The following SLC25A21 variants were observed in gnomAD, a reference collection of about 807,000 sequenced individuals.
SLC25A21 encodes solute carrier family 25 member 21.
SLC25A21 carries 47 observed loss-of-function variants against 43.8 expected under a neutral mutation model. The ratio of observed to expected loss-of-function variants is 1.07; its 90% CI spans 0.85 to 1.37. The LOEUF is 1.37. Among genes scored for constraint, SLC25A21 ranks in the 40% most tolerant of loss-of-function variants. The probability of loss-of-function intolerance (pLI) is 0.00; values close to 1 mark genes in which losing one functional copy is unlikely to be tolerated. For synonymous variants in SLC25A21, 131 were observed against 121.3 expected (o/e 1.08, Z -0.52); for missense variants, 352 against 350.2 (o/e 1.00, Z -0.04).
intron 1 of SLC25A21, among the ~76,000 whole-genome samples, chr14:36,905,474 T>C (rs370592978): frequency 3.7e-4 from 56 of 152,350 alleles, no homozygotes; most frequent in African/African-American, 1.3e-3. Context: ...TGCCCACTCA[T>C]GCGTCCCAAA....
At chr14:37,094,556 A>C (rs761905808) in intron 1 of SLC25A21, among the ~76,000 whole-genome samples, 47 of 152,188 alleles carry the variant, frequency 3.1e-4, no homozygotes, top group Non-Finnish European at 5.3e-4. Context: ...CCTCTAGGAC[A>C]AATTGTGCAG....
chr14:36,736,105 T>C (rs1167715005), intron 3 of SLC25A21, among the ~76,000 whole-genome samples: 1 of 151,654 alleles, frequency 6.6e-6, no homozygotes. Flanking sequence ...CCGGCTAATT[T>C]TTTATATTTT....
At chr14:36,690,859 G>A (rs1882767598) in intron 7 of SLC25A21, among the ~76,000 whole-genome samples, 1 of 152,170 alleles carries the variant, frequency 6.6e-6, no homozygotes, top group Non-Finnish European at 1.5e-5. Flanking sequence ...ATTATAGTGA[G>A]TCACCATATT....
At chr14:36,920,239 T>C (rs1291694159) in intron 1 of SLC25A21, among the ~76,000 whole-genome samples, 1 of 152,076 alleles carries the variant, frequency 6.6e-6, no homozygotes, top group East Asian at 1.9e-4. Flanking sequence ...TCAGGTAAAA[T>C]AATTCTTGGC....
intron 6 of SLC25A21, among the ~76,000 whole-genome samples, chr14:36,715,789 T>A (rs1884102272): frequency 6.6e-6 from 1 of 152,126 alleles, no homozygotes; most frequent in South Asian, 2.1e-4. Context: ...TATTAAGAGG[T>A]TTAATTAAAA....
At chr14:37,066,403 T>G (rs902798235) in intron 1 of SLC25A21, among the ~76,000 whole-genome samples, 3 of 152,088 alleles carry the variant, frequency 2.0e-5, no homozygotes, top group Non-Finnish European at 4.4e-5. Context: ...ACACTGCACA[T>G]GGCACTGGAG....
intron 1 of SLC25A21, among the ~76,000 whole-genome samples, chr14:37,048,842 C>G (rs1163333551): frequency 6.6e-6 from 1 of 152,174 alleles, no homozygotes; most frequent in Non-Finnish European, 1.5e-5. Flanking sequence ...GCCACTGAGA[C>G]CAATAACTAG....
chr14:37,030,396 T>C (rs1197375409), intron 1 of SLC25A21, among the ~76,000 whole-genome samples: 1 of 152,106 alleles, frequency 6.6e-6, no homozygotes, highest in Non-Finnish European at 1.5e-5. Flanking sequence ...GAGTCCCTGA[T>C]CTCTCTCTAG....
At chr14:36,956,391 G>A (rs1285707091) in intron 1 of SLC25A21, among the ~76,000 whole-genome samples, 3 of 151,962 alleles carry the variant, frequency 2.0e-5, no homozygotes, top group Admixed American at 6.6e-5. Context: ...CGTAGAAATG[G>A]TGTAAAGTAT....
chr14:37,119,619 G>A lies in SLC25A21; in HGVS notation c.70+52662C>T, dbSNP rs530178513. 3.1e-4 allele frequency among the ~76,000 whole-genome samples: 47 copies of A among 152,158 alleles called. No individual in the cohort carries two copies. The East Asian group carries it at 7.0e-3, about 23-fold the overall frequency. ...AAGCATAATCAGTTGAGCAGCCCAC[G>A]CCGCTGCTCTGCCTATGGAGTAGCC... On this transcript the variant is annotated intron_variant, in intron 1 of 9. Coordinates refer to ENST00000331299, the MANE Select transcript of SLC25A21 (RefSeq NM_030631.4).
chr14:36,766,856 G>A (rs1157067376), intron 3 of SLC25A21, among the ~76,000 whole-genome samples: 1 of 152,090 alleles, frequency 6.6e-6, no homozygotes, highest in East Asian at 1.9e-4. Flanking sequence ...CGTTAGGATT[G>A]GCATGAGGAT....
intron 1 of SLC25A21, among the ~76,000 whole-genome samples, chr14:37,033,768 C>T (rs1000239081): frequency 6.6e-5 from 10 of 151,910 alleles, no homozygotes; most frequent in Non-Finnish European, 1.3e-4. Context: ...GAAGAGGGTA[C>T]GTGGATGGTT....
At chr14:36,696,452 T>G (rs1359823157) in intron 7 of SLC25A21, among the ~76,000 whole-genome samples, 1 of 152,210 alleles carries the variant, frequency 6.6e-6, no homozygotes, top group African/African-American at 2.4e-5. Context: ...TCCCTCTTTT[T>G]CTATTGATTG....
intron 6 of SLC25A21, among the ~76,000 whole-genome samples, chr14:36,723,111 G>A (rs760479096): frequency 1.3e-5 from 2 of 152,174 alleles, no homozygotes; most frequent in Admixed American, 6.5e-5. Flanking sequence ...AATGAAGAAG[G>A]CTTCGGCATT....
intron 1 of SLC25A21, among the ~76,000 whole-genome samples, chr14:37,032,791 C>T (rs1961247033): frequency 6.6e-6 from 1 of 151,058 alleles, no homozygotes; most frequent in Admixed American, 6.6e-5. Context: ...GTTTACTATA[C>T]TATTCAGGAA....
chr14:36,682,017 A>G (rs1659524947), intron 9 of SLC25A21, among the ~76,000 whole-genome samples: 1 of 152,306 alleles, frequency 6.6e-6, no homozygotes, highest in East Asian at 1.9e-4. Context: ...GGTTTAAATC[A>G]CAGACTTCAA....
intron 1 of SLC25A21, among the ~76,000 whole-genome samples, chr14:37,117,271 G>C (rs1963123090): frequency 6.6e-6 from 1 of 152,070 alleles, no homozygotes; most frequent in African/African-American, 2.4e-5. Flanking sequence ...ATCAGCACTA[G>C]AAAAAGTCAT....
rs147986116 is a variant in SLC25A21 at position 37,133,892 on chromosome 14, T to G, written c.70+38389A>C. Among the ~76,000 whole-genome samples, 4 of 152,280 alleles carry G rather than the reference T, an allele frequency of 2.6e-5. No individual in the cohort carries two copies. In the East Asian group the frequency reaches 7.7e-4, roughly 29 times the overall value. ...CTTCCTCAGTAAAATCATTCCTGGC[T>G]CCCTTTTCTAGGTCTCACAGTACTG... is the stretch of plus-strand genomic sequence containing the variant. On this transcript the variant is annotated intron_variant, in intron 1 of 9. Coordinates refer to ENST00000331299, the MANE Select transcript of SLC25A21 (RefSeq NM_030631.4).
At chr14:36,710,415 GA>G (rs940580516) in intron 7 of SLC25A21, among the ~76,000 whole-genome samples, 1 of 150,664 alleles carries the variant, frequency 6.6e-6, no homozygotes, top group South Asian at 2.1e-4. Flanking sequence ...AGGAAACGGG[GA>G]AAAAAAAGAA....
Sources: gnomAD v4.1 joint callset for allele counts (sites outside exome capture counted in the v4.1 genomes callset) on GRCh38, gnomAD v4.1.1 for gene constraint, MANE v1.5 for transcripts, NCBI Gene and HGNC (gene_info 2026-07-23, HGNC 2026-07-21) for gene names.